PKIB: variants seen among roughly 807,000 people sequenced by gnomAD.
PKIB encodes the protein PKI-beta.
Under a neutral mutation model 4.5 loss-of-function variants are expected in PKIB, and 2 were observed. The observed-to-expected ratio is 0.44, with a 90% CI of 0.18 to 1.39. PKIB has a LOEUF of 1.39. PKIB is among the 40% of genes most tolerant of loss of function. The pLI is 0.27. For missense variants in PKIB, 94 were observed against 92.6 expected (o/e 1.02, Z -0.06); for synonymous variants, 38 against 36.0 (o/e 1.06, Z -0.20).
At chr6:122,656,859 C>T (rs1776794547) in intron 2 of PKIB, among the ~76,000 whole-genome samples, 2 of 152,218 alleles carry the variant, frequency 1.3e-5, no homozygotes, top group African/African-American at 4.8e-5. Context: ...AGGTTGTTCA[C>T]CTCCTCAAAG....
At chr6:122,610,018 C>T (rs1315437458), upstream of PKIB, among the ~76,000 whole-genome samples, 1 of 152,110 alleles carries the variant, frequency 6.6e-6, no homozygotes. Flanking sequence ...GCGCGTACAA[C>T]CGGAGGGACA....
intron 2 of PKIB, among the ~76,000 whole-genome samples, chr6:122,648,239 C>T (rs1348996362): frequency 3.9e-5 from 6 of 152,226 alleles, no homozygotes; most frequent in African/African-American, 9.6e-5. Flanking sequence ...ACCAGCACAG[C>T]ATAAGGTTGT....
intron 2 of PKIB, among the ~76,000 whole-genome samples, chr6:122,582,151 G>A (rs1443238863): frequency 6.6e-6 from 1 of 151,868 alleles, no homozygotes; most frequent in Non-Finnish European, 1.5e-5. Flanking sequence ...GAACTAACAT[G>A]GTAACAGTTA....
intron 2 of PKIB, among the ~76,000 whole-genome samples, chr6:122,557,158 G>C (rs1048378805): frequency 6.6e-6 from 1 of 152,312 alleles, no homozygotes; most frequent in South Asian, 2.1e-4. Flanking sequence ...AGAGCTTGCA[G>C]TGAGCTGAGA....
intron 2 of PKIB, among the ~76,000 whole-genome samples, chr6:122,663,818 G>C (rs1777110180): frequency 6.6e-6 from 1 of 152,088 alleles, no homozygotes; most frequent in South Asian, 2.1e-4. Flanking sequence ...TGGGGGTTAG[G>C]AGTTTAATAT....
chr6:122,668,030 A>G (rs1777301945), intron 2 of PKIB, among the ~76,000 whole-genome samples: 1 of 152,144 alleles, frequency 6.6e-6, no homozygotes, highest in Admixed American at 6.5e-5. Flanking sequence ...CCAACTCAAA[A>G]TAAGAAAAGA....
At chr6:122,603,786 C>G (rs1774447129) in intron 3 of PKIB, among the ~76,000 whole-genome samples, 1 of 152,136 alleles carries the variant, frequency 6.6e-6, no homozygotes, top group South Asian at 2.1e-4. Context: ...TGGCTTTCAA[C>G]TACATTTTTT....
At chr6:122,720,722 A>G (rs1052152900) in intron 4 of PKIB, among the ~76,000 whole-genome samples, 1 of 150,884 alleles carries the variant, frequency 6.6e-6, no homozygotes, top group African/African-American at 2.4e-5. Flanking sequence ...TTTTTTTGAG[A>G]CGGAGTTTCA....
chr6:122,586,483 A>T (rs1199590327), intron 3 of PKIB, among the ~76,000 whole-genome samples: 1 of 152,102 alleles, frequency 6.6e-6, no homozygotes, highest in Non-Finnish European at 1.5e-5. Context: ...CTTTGATGCT[A>T]CTACAACTTC....
intron 2 of PKIB, among the ~76,000 whole-genome samples, chr6:122,542,726 C>T (rs1219744341): frequency 1.3e-5 from 2 of 152,072 alleles, no homozygotes; most frequent in African/African-American, 2.4e-5. Flanking sequence ...CTTGGAGAAC[C>T]ACTACTCTCT....
At chr6:122,598,733 T>C (rs962795143) in intron 3 of PKIB, among the ~76,000 whole-genome samples, 3 of 152,286 alleles carry the variant, frequency 2.0e-5, no homozygotes, top group Middle Eastern at 3.4e-3. Flanking sequence ...AGATCAGGCA[T>C]TTCCAGCTCG....
intron 2 of PKIB, among the ~76,000 whole-genome samples, chr6:122,523,356 T>C (rs1777001540): frequency 6.6e-6 from 1 of 152,162 alleles, no homozygotes; most frequent in South Asian, 2.1e-4. Flanking sequence ...TGTTCATGGT[T>C]GATATGGTTT....
At chr6:122,528,337 A>G (rs1388328462) in intron 2 of PKIB, among the ~76,000 whole-genome samples, 5 of 152,128 alleles carry the variant, frequency 3.3e-5, no homozygotes, top group Non-Finnish European at 1.5e-5. Flanking sequence ...TTTTTTATCC[A>G]TTCAGTCAAT....
At chr6:122,608,352 G>A (rs1459090426), upstream of PKIB, among the ~76,000 whole-genome samples, 3 of 152,096 alleles carry the variant, frequency 2.0e-5, no homozygotes, top group Non-Finnish European at 4.4e-5. Flanking sequence ...GCATTTAAAG[G>A]CATATATTTG....
chr6:122,684,186 G>C (rs533621726), intron 3 of PKIB, among the ~76,000 whole-genome samples: 3 of 152,246 alleles, frequency 2.0e-5, no homozygotes, highest in African/African-American at 7.2e-5. Context: ...GGAGATTGCA[G>C]AACAAGGAAA....
intron 2 of PKIB, among the ~76,000 whole-genome samples, chr6:122,573,496 G>T (rs73549356): frequency 7.2e-6 from 1 of 139,556 alleles, no homozygotes; most frequent in African/African-American, 2.7e-5. Flanking sequence ...TCCTCCAGCC[G>T]AGGCAACAGA....
At chr6:122,501,607 G>A (rs1314841746) in intron 2 of PKIB, among the ~76,000 whole-genome samples, 2 of 152,192 alleles carry the variant, frequency 1.3e-5, no homozygotes, top group Non-Finnish European at 2.9e-5. Flanking sequence ...CTGGGATGCA[G>A]GGTGCCATGT....
intron 2 of PKIB, among the ~76,000 whole-genome samples, chr6:122,579,304 T>C (rs1773638603): frequency 1.3e-5 from 2 of 152,186 alleles, no homozygotes; most frequent in African/African-American, 4.8e-5. Context: ...TCTTTGCAAT[T>C]GTGTTTGCGG....
Position 122,695,430 on chromosome 6 carries a change from TAAG to T in PKIB, c.-9+20287_-9+20289del, listed in dbSNP as rs565440017. Among the ~76,000 whole-genome samples, 313 of 43,310 alleles carry T rather than the reference TAAG, an allele frequency of 7.2e-3. 1 individual carries two copies. The highest frequency in any genetic ancestry group is 0.018 in the African/African-American group (304 of 16,628). 28.4% of individuals were successfully genotyped at this position (43,310 alleles called of 152,430 possible). On this transcript the variant is annotated intron_variant, in intron 3 of 4. Coordinates refer to ENST00000368452, the MANE Select transcript of PKIB (RefSeq NM_181795.3). ...AATAATAGGTATAGAGAACAAAAAA[TAAG>T]TTTTTTCAAAATTATGCACATTATT...
Sources: gnomAD v4.1 joint callset for allele counts (sites outside exome capture counted in the v4.1 genomes callset) on GRCh38, gnomAD v4.1.1 for gene constraint, MANE v1.5 for transcripts, NCBI Gene and HGNC (gene_info 2026-07-23, HGNC 2026-07-21) for gene names.